The following FNBP4 variants were observed in gnomAD, a reference collection of about 807,000 sequenced individuals.
FNBP4 encodes formin binding protein 4.
FNBP4 carries 34 observed loss-of-function variants against 119.3 expected under a neutral mutation model. The observed-to-expected ratio is 0.28, with a 90% CI of 0.22 to 0.38. The LOEUF (loss-of-function observed/expected upper bound fraction) is 0.38. FNBP4 is among the 10% of genes least tolerant of loss of function. The pLI is 1.00. For missense variants in FNBP4, 1,112 were observed against 1,228.9 expected (o/e 0.90, Z 1.42); for synonymous variants, 462 against 430.6 (o/e 1.07, Z -0.90).
chr11:47,755,949 G>T (rs1269887155), intron 2 of FNBP4, among the ~76,000 whole-genome samples: 1 of 152,156 alleles, frequency 6.6e-6, no homozygotes, highest in Non-Finnish European at 1.5e-5. Flanking sequence ...ACTTCAAACT[G>T]AGCCAATTAC....
chr11:47,722,594 CT>C (rs2097557085), intron 15 of FNBP4, among the ~76,000 whole-genome samples: 9 of 150,980 alleles, frequency 6.0e-5, no homozygotes, highest in Non-Finnish European at 1.3e-4. Flanking sequence ...ATTTCAATTT[CT>C]TTTTTCTTTT....
At chr11:47,718,669 T>C (rs959017386) in intron 16 of FNBP4, among the ~76,000 whole-genome samples, 3 of 152,214 alleles carry the variant, frequency 2.0e-5, no homozygotes, top group Admixed American at 6.5e-5. Flanking sequence ...GCATCAGTAA[T>C]AGACAGCTAT....
At chr11:47,733,232 TC>T (rs1349858753) in intron 10 of FNBP4, among the ~76,000 whole-genome samples, 1 of 152,236 alleles carries the variant, frequency 6.6e-6, no homozygotes, top group Non-Finnish European at 1.5e-5. Context: ...AGTTTTGTCT[TC>T]CCTTTTGGAC....
At chr11:47,733,173 A>G (rs1019157239) in intron 10 of FNBP4, among the ~76,000 whole-genome samples, 2 of 152,184 alleles carry the variant, frequency 1.3e-5, no homozygotes, top group African/African-American at 4.8e-5. Flanking sequence ...GGGCTCCAGT[A>G]TATTTTAACA....
chr11:47,759,117 A>C (rs2097627022), intron 2 of FNBP4, among the ~76,000 whole-genome samples: 2 of 151,874 alleles, frequency 1.3e-5, no homozygotes, highest in East Asian at 3.9e-4. Flanking sequence ...ACGGGGTTTC[A>C]CCATGTTGGC....
Position 47,767,334 on chromosome 11 carries a change from C to G in FNBP4, c.-46G>C, listed in dbSNP as rs1298243015. On this transcript the variant is annotated 5_prime_UTR_variant, in exon 1 of 17. Coordinates refer to ENST00000263773, the MANE Select transcript of FNBP4 (RefSeq NM_015308.5). ...GAGAGCGTCGGGCGGCCGAGAGGGG[C>G]GGGCACTGGAGGCTGGGCGCTGGGC... The G allele has an allele frequency of 3.5e-6, 5 of 1,429,790 alleles. No individual in the cohort carries two copies. Among genetic ancestry groups the G allele is most frequent in the Non-Finnish European group, 4.6e-6 (5 of 1,096,738 alleles). The allele number at this position is 1,429,790 out of a possible 1,614,324, so 88.6% of individuals were successfully genotyped here.
intron 2 of FNBP4, 33 bp downstream of exon 2, chr11:47,765,237 A>T: frequency 7.0e-7 from 1 of 1,431,502 alleles, no homozygotes; most frequent in Non-Finnish European, 9.7e-7. Context: ...AAGACGTGGG[A>T]GAAAAAATGT....
rs189134933 is a variant in FNBP4, at chr11:47,726,337, C to T, written c.2009-1559G>A. 4.6e-3 allele frequency: 700 copies of T among 151,782 alleles called. 5 individuals carry two copies. Among genetic ancestry groups the T allele is most frequent in the Non-Finnish European group, 5.9e-3 (399 of 67,988 alleles). 9.4% of individuals were successfully genotyped at this position (151,782 alleles called of 1,614,324 possible). On this transcript the variant is annotated intron_variant, in intron 12 of 16. Transcript: ENST00000263773. ...TCTAACCTCAAACACTTGGCTCAAG[C>T]GATCTTCCTACCTCAGCTTCCCGAA... is the stretch of plus-strand genomic sequence containing the variant.
intron 8 of FNBP4, among the ~76,000 whole-genome samples, chr11:47,743,289 C>T (rs764119414): frequency 1.3e-5 from 2 of 152,112 alleles, no homozygotes; most frequent in Non-Finnish European, 2.9e-5. Flanking sequence ...TCGAGATCAG[C>T]CTGGCCAACA....
chr11:47,753,068 G>A lies in FNBP4; in HGVS notation c.485C>T (p.Ala162Val), dbSNP rs767475171. 22 of 1,613,698 alleles carry A rather than the reference G, an allele frequency of 1.4e-5. No individual in the cohort carries two copies. The South Asian group carries it at 2.3e-4, about 17-fold the overall frequency. ...AGGTGGAGCAGAAGCTCCTACAGGA[G>A]CTGCAGGCTGAGGAGCTGTTATGGC... is the stretch of plus-strand genomic sequence containing the variant. ...IDAITAPQPA[A>V]PVGASAPPPT... The change falls in exon 4 of 17, where the codon GCT (alanine) becomes GTT (valine). Residue 162 changes from alanine (A) to valine (V), a missense_variant. This residue lies in a region of FNBP4 where 286 missense variants were observed against 240.1 expected (regional missense o/e 1.19). Coordinates refer to ENST00000263773, the MANE Select transcript of FNBP4 (RefSeq NM_015308.5).
chr11:47,724,207 G>GC (rs1242074220), intron 13 of FNBP4, 35 bp from the exon 14 acceptor site: 2 of 1,611,344 alleles, frequency 1.2e-6, no homozygotes, highest in Non-Finnish European at 1.7e-6. Context: ...GTGGCTGAAG[G>GC]CCATGGTTAA....
At chr11:47,744,842 T>A (rs1012064184) in intron 7 of FNBP4, among the ~76,000 whole-genome samples, 8 of 152,236 alleles carry the variant, frequency 5.3e-5, no homozygotes, top group African/African-American at 1.7e-4. Context: ...CTGGTTTTTT[T>A]CTGGTACCCA....
chr11:47,744,426 A>G (rs1420613962), intron 7 of FNBP4, among the ~76,000 whole-genome samples: 1 of 151,416 alleles, frequency 6.6e-6, no homozygotes, highest in East Asian at 1.9e-4. Context: ...GGCACATGTC[A>G]TCATACTTTT....
chr11:47,761,492 T>G (rs1276760422), intron 2 of FNBP4, among the ~76,000 whole-genome samples: 1 of 151,996 alleles, frequency 6.6e-6, no homozygotes, highest in African/African-American at 2.4e-5. Flanking sequence ...CTAGGGAGGC[T>G]GCAGCAGGAG....
intron 2 of FNBP4, among the ~76,000 whole-genome samples, chr11:47,763,651 C>T (rs1186509312): frequency 6.6e-6 from 1 of 151,994 alleles, no homozygotes; most frequent in Non-Finnish European, 1.5e-5. Flanking sequence ...CAGGCGCCCG[C>T]CACCACGCCC....
chr11:47,722,842 C>T (rs10838751), intron 15 of FNBP4, 134 bp downstream of exon 15: 12 of 994,454 alleles, frequency 1.2e-5, no homozygotes, highest in Admixed American at 5.9e-5. Context: ...CTGCCCGCCT[C>T]GGCCTCCCAA....
intron 15 of FNBP4, 102 bp from the exon 16 acceptor site, chr11:47,720,188 T>C (rs2097553966): frequency 2.8e-6 from 3 of 1,079,290 alleles, no homozygotes; most frequent in East Asian, 2.7e-5. Flanking sequence ...CTAAAGAATA[T>C]GCACACTTTA....
At chr11:47,736,974 G>A (rs997127855) in intron 8 of FNBP4, among the ~76,000 whole-genome samples, 3 of 152,170 alleles carry the variant, frequency 2.0e-5, no homozygotes, top group Admixed American at 6.6e-5. Context: ...GGCATTTGGA[G>A]GTGAAAAGAT....
chr11:47,737,966 G>C (rs1415331011), intron 8 of FNBP4, among the ~76,000 whole-genome samples: 4 of 151,956 alleles, frequency 2.6e-5, no homozygotes, highest in Admixed American at 1.3e-4. Context: ...GGCTAGTCTC[G>C]AACTCCTGAC....
Sources: allele counts gnomAD v4.1 joint callset (sites outside exome capture counted in the v4.1 genomes callset), GRCh38; gene constraint gnomAD v4.1.1; regional missense constraint gnomAD v4.1.1; transcripts MANE v1.5; gene names NCBI Gene and HGNC (gene_info 2026-07-23, HGNC 2026-07-21).